The following IRAK3 variants were observed in gnomAD, a reference collection of about 807,000 sequenced individuals.
IRAK3 encodes the protein interleukin-1 receptor-associated kinase 3.
Under a neutral mutation model 56.6 loss-of-function variants are expected in IRAK3, and 57 were observed. The ratio of observed to expected loss-of-function variants is 1.01; its 90% confidence interval spans 0.81 to 1.26. IRAK3 has a LOEUF of 1.26. Ranked by LOEUF, IRAK3 falls within the 50% of genes most tolerant of loss-of-function variation. The pLI is 0.00. For missense variants in IRAK3, 703 were observed against 719.0 expected, an observed-to-expected ratio of 0.98 and a Z score of 0.25; for synonymous variants, 258 against 255.7, an observed-to-expected ratio of 1.01 and a Z score of -0.09.
chr12:66,204,658 T>C (rs2052539895), intron 2 of IRAK3, among the ~76,000 whole-genome samples: 1 of 152,218 alleles, frequency 6.6e-6, no homozygotes. Flanking sequence ...GGCTCTTAGA[T>C]TGGAAACTCT....
At chr12:66,217,372 A>C in intron 6 of IRAK3, 137 bp downstream of exon 6, 4 of 767,942 alleles carry the variant, frequency 5.2e-6, no homozygotes, top group Non-Finnish European at 9.6e-6. Flanking sequence ...ATAAATTTTG[A>C]TATCTGCTTT....
intron 8 of IRAK3, among the ~76,000 whole-genome samples, chr12:66,235,431 G>A (rs1826731604): frequency 6.6e-6 from 1 of 151,514 alleles, no homozygotes. Context: ...GCGCGGCGGC[G>A]GCCGGCGGGG....
intron 2 of IRAK3, 57 bp downstream of exon 2, chr12:66,203,950 A>T (rs1168348387): frequency 5.7e-6 from 8 of 1,402,966 alleles, no homozygotes; most frequent in Non-Finnish European, 8.1e-6. Flanking sequence ...TGTAATTTGT[A>T]AATTCGAATA....
At chr12:66,205,983 C>A (rs2136920969) in intron 2 of IRAK3, among the ~76,000 whole-genome samples, 1 of 152,274 alleles carries the variant, frequency 6.6e-6, no homozygotes, top group Middle Eastern at 3.4e-3. Context: ...TTCTGGCATG[C>A]ATGTCCTTAT....
At chr12:66,230,199 T>C (rs1384917103) in intron 8 of IRAK3, among the ~76,000 whole-genome samples, 1 of 152,208 alleles carries the variant, frequency 6.6e-6, no homozygotes, top group African/African-American at 2.4e-5. Flanking sequence ...TGCTGGTATT[T>C]GGTGAGAGCA....
intron 8 of IRAK3, chr12:66,234,002 C>G (rs981705559): frequency 6.5e-7 from 1 of 1,531,820 alleles, no homozygotes; most frequent in African/African-American, 1.4e-5. Flanking sequence ...CACAATTGAT[C>G]AGAAAAATCC....
Position 66,193,084 on chromosome 12 carries a change from C to G in IRAK3, c.133+3652C>G, listed in dbSNP as rs570848906. ...GTGCAATGGCGCAATCTCAGTTTAC[C>G]GCAACCTCCGCCTCCCGGGTTCAAA... On this transcript the variant is annotated intron_variant, in intron 1 of 11. Coordinates refer to ENST00000261233, the MANE Select transcript of IRAK3 (RefSeq NM_007199.3). Among the ~76,000 whole-genome samples the G allele has an allele frequency of 7.7e-4, 117 of 151,796 alleles. 1 individual carries two copies. The highest frequency in any genetic ancestry group is 5.9e-5 in the Non-Finnish European group (4 of 67,946).
chr12:66,246,059 C>T (rs2053030072), intron 11 of IRAK3, among the ~76,000 whole-genome samples: 1 of 81,484 alleles, frequency 1.2e-5, no homozygotes, highest in African/African-American at 3.0e-5. Context: ...GAATGTTGGT[C>T]CAGCAAGAGA....
At chr12:66,243,711 G>A (rs1038099821) in intron 8 of IRAK3, among the ~76,000 whole-genome samples, 3 of 152,136 alleles carry the variant, frequency 2.0e-5, no homozygotes, top group African/African-American at 7.2e-5. Flanking sequence ...CTTACATGGC[G>A]AAGGAAACTG....
chr12:66,230,316 G>A (rs990914606), intron 8 of IRAK3, among the ~76,000 whole-genome samples: 5 of 152,188 alleles, frequency 3.3e-5, no homozygotes, highest in African/African-American at 1.2e-4. Context: ...GGTTTTTAAG[G>A]GAGGGCTCTC....
At position 66,237,057 on chromosome 12, in the gene IRAK3, T is replaced by G. The variant is rs369963686; in HGVS notation, c.888-7429T>G. Among the ~76,000 whole-genome samples, 6 of 152,206 alleles carry G rather than the reference T, an allele frequency of 3.9e-5. No homozygotes were observed. In the East Asian group the frequency reaches 1.2e-3, roughly 29 times the overall value. The stretch of plus-strand genomic sequence containing the variant: ...TAAGAGTGTGGCCTTTGGGGTCACA[T>G]AGATCTCAGTACAAATCCCTACTCC... On this transcript the variant is annotated intron_variant, in intron 8 of 11. Coordinates refer to ENST00000261233, the MANE Select transcript of IRAK3 (RefSeq NM_007199.3).
intron 4 of IRAK3, among the ~76,000 whole-genome samples, chr12:66,210,731 C>G (rs2052603266): frequency 6.6e-6 from 1 of 152,108 alleles, no homozygotes; most frequent in Non-Finnish European, 1.5e-5. Flanking sequence ...GCCACTAGAT[C>G]TGATGCTTCT....
At chr12:66,223,733 A>G (rs929768164) in intron 6 of IRAK3, among the ~76,000 whole-genome samples, 2 of 147,866 alleles carry the variant, frequency 1.4e-5, no homozygotes, top group Non-Finnish European at 1.5e-5. Context: ...TTTTTTTTTG[A>G]GACGGAGTCT....
In IRAK3 at chr12:66,210,039, C is replaced by T. The variant is rs1005016174; in HGVS notation, c.382-108C>T. The stretch of plus-strand genomic sequence containing the variant: ...GCTAGCTTTCTTTTAAATTAGGTTG[C>T]ACTCTGTTGCACTGCATAGTCCCCA... On this transcript the variant is annotated intron_variant, in intron 3 of 11. Coordinates refer to ENST00000261233, the MANE Select transcript of IRAK3 (RefSeq NM_007199.3). The T allele has an allele frequency of 1.1e-5, 8 of 703,278 alleles. No individual in the cohort carries two copies. The African/African-American group carries it at 1.4e-4, about 13-fold the overall frequency. The allele number at this position is 703,278 out of a possible 1,614,324, so 43.6% of individuals were successfully genotyped here.
chr12:66,244,537 C>T lies in IRAK3; in HGVS notation c.939C>T (p.Ala313=), dbSNP rs774425750. Residue 313 remains alanine, a synonymous_variant, in exon 9 of 12, where the codon GCC becomes GCT. Coordinates refer to ENST00000261233, the MANE Select transcript of IRAK3 (RefSeq NM_007199.3). ...TTCAACCCAAACTAACTGATTTTGC[C>T]ATGGCACACTTCCGGTCCCACCTAG... ...DQFQPKLTDF[A]MAHFRSHLEH... is the part of the protein sequence containing the mutation. 3 of 1,614,036 alleles carry T rather than the reference C, an allele frequency of 1.9e-6. No individual in the cohort carries two copies. In the South Asian group the frequency reaches 3.3e-5, roughly 18 times the overall value.
intron 1 of IRAK3, among the ~76,000 whole-genome samples, chr12:66,199,690 T>G (rs939278854): frequency 6.6e-6 from 1 of 152,220 alleles, no homozygotes; most frequent in Non-Finnish European, 1.5e-5. Context: ...TACTGGCATA[T>G]AGCAGATACT....
At chr12:66,203,300 C>T (rs2052526778) in intron 1 of IRAK3, among the ~76,000 whole-genome samples, 1 of 152,012 alleles carries the variant, frequency 6.6e-6, no homozygotes, top group Non-Finnish European at 1.5e-5. Context: ...TATCTTAAAC[C>T]TCTTGATATT....
At position 66,248,087 on chromosome 12, in the gene IRAK3, G is replaced by C; in HGVS notation, c.1707G>C (p.Gly569=). ...VNIDPSSEAP[G]HSCRSRPVES... ...TAGATCCTTCTTCAGAAGCTCCAGG[G>C]CATTCTTGCAGGAGCAGGCCAGTGG... The change falls in exon 12 of 12, where the codon GGG becomes GGC. Residue 569 remains glycine, a synonymous_variant. Transcript: ENST00000261233. 6.2e-7 allele frequency: 1 copy of C among 1,600,710 alleles called. No homozygotes were observed. Among genetic ancestry groups the C allele is most frequent in the Non-Finnish European group, 8.5e-7 (1 of 1,174,954 alleles).
At chr12:66,220,392 T>A (rs945920903) in intron 6 of IRAK3, among the ~76,000 whole-genome samples, 9 of 151,764 alleles carry the variant, frequency 5.9e-5, no homozygotes, top group Admixed American at 3.3e-4. Context: ...TTTTTTTTTT[T>A]AAATTCTATT....
Sources: allele counts gnomAD v4.1 joint callset (sites outside exome capture counted in the v4.1 genomes callset), GRCh38; gene constraint gnomAD v4.1.1; transcripts MANE v1.5; gene names NCBI Gene and HGNC (gene_info 2026-07-23, HGNC 2026-07-21).